PLG: variants seen among roughly 807,000 people sequenced by gnomAD.
The protein encoded by PLG is plasmin.
Under a neutral mutation model 104.4 loss-of-function variants are expected in PLG, and 41 were observed. The observed-to-expected ratio is 0.39, with a 90% CI of 0.31 to 0.51. The LOEUF (loss-of-function observed/expected upper bound fraction) is 0.51. Among genes scored for constraint, PLG ranks in the 20% least tolerant of loss-of-function variants. PLG has a pLI of 0.76. For missense variants in PLG, 891 were observed against 1,003.6 expected (o/e 0.89, Z 1.52); for synonymous variants, 337 against 357.1 (o/e 0.94, Z 0.63).
Position 160,706,407 on chromosome 6 carries a change from G to T in PLG, c.50G>T (p.Gly17Val), listed in dbSNP as rs755657852. ...VLLLLLFLKSGQGEPLDDYVN... is the reference protein window; with the variant it reads ...VLLLLLFLKSVQGEPLDDYVN... ...TTCCACTTGGATCTCCCACCTCTAG[G>T]TCAAGGAGAGCCTCTGGATGACTAT... Residue 17 changes from glycine (G) to valine (V), a missense_variant and splice_region_variant, in exon 2 of 19, where the codon GGT (glycine) becomes GTT (valine). Transcript: ENST00000308192. The T allele has an allele frequency of 1.2e-6, 2 of 1,612,866 alleles. No homozygotes were observed. Among genetic ancestry groups the T allele is most frequent in the East Asian group, 4.5e-5 (2 of 44,880 alleles).
Position 160,737,816 on chromosome 6 carries a change from T to C in PLG, c.1803-722T>C, listed in dbSNP as rs1335315389. ...CACTCTGCTGTTGAGTCGATTTTTC[T>C]TTATTTTATCATTTAGTAACTCCTT... On this transcript the variant is annotated intron_variant, in intron 14 of 18. Coordinates refer to ENST00000308192, the MANE Select transcript of PLG (RefSeq NM_000301.5). This position sits in a 1 kb window ranked among gnomAD's most constrained non-coding sequence, Gnocchi z 4.7. Among the ~76,000 whole-genome samples, 1 of 149,674 alleles carries C rather than the reference T, an allele frequency of 6.7e-6. No individual in the cohort carries two copies. Among genetic ancestry groups the C allele is most frequent in the African/African-American group, 2.6e-5 (1 of 38,988 alleles).
chr6:160,738,971 G>T lies in PLG; in HGVS notation c.1878-97G>T, dbSNP rs1778137602. The T allele has an allele frequency of 6.9e-7, 1 of 1,440,080 alleles. No homozygotes were observed. The allele number at this position is 1,440,080 out of a possible 1,614,324, so 89.2% of individuals were successfully genotyped here. ...ACTCAGAAGTCACTAATTCTGAGTGGCCAAGGGTGTCAGGGAGACAGCACC... is the reference window on the plus strand; with the variant it reads ...ACTCAGAAGTCACTAATTCTGAGTGTCCAAGGGTGTCAGGGAGACAGCACC... On this transcript the variant is annotated intron_variant, in intron 15 of 18. Transcript: ENST00000308192. The surrounding 1 kb of genome is among the most constrained non-coding windows in gnomAD (Gnocchi z 6.8).
In PLG at chr6:160,723,147, G is replaced by GTATATATATGTACACATATATGTGTT. The variant is rs1777866269; in HGVS notation, c.1256+585_1256+586insATATGTACACATATATGTGTTTATAT. Among the ~76,000 whole-genome samples the GTATATATATGTACACATATATGTGTT allele has an allele frequency of 6.6e-6, 1 of 150,562 alleles. No homozygotes were observed. The highest frequency in any genetic ancestry group is 2.4e-5 in the African/African-American group (1 of 40,894). On this transcript the variant is annotated intron_variant, in intron 10 of 18. Transcript: ENST00000308192. The surrounding 1 kb of genome is among the most constrained non-coding windows in gnomAD (Gnocchi z 4.7). ...TATATATATGTACACATATATGTGTGTATATTAGAATATATATAACATAAA... is the reference window on the plus strand; with the variant it reads ...TATATATATGTACACATATATGTGTGTATATATATGTACACATATATGTGTTTATATTAGAATATATATAACATAAA...
chr6:160,706,597 A>G (rs759032717), intron 2 of PLG, 55 bp downstream of exon 2: 9 of 1,515,516 alleles, frequency 5.9e-6, no homozygotes, highest in Non-Finnish European at 8.2e-6. Flanking sequence ...ATGGCAAGTA[A>G]TTTACTCACA....
chr6:160,704,809 T>C (rs545601741), intron 1 of PLG, among the ~76,000 whole-genome samples: 33 of 152,202 alleles, frequency 2.2e-4, no homozygotes, highest in Non-Finnish European at 3.4e-4. Context: ...TCGATGAGCA[T>C]GCATCCACCT....
chr6:160,702,890 A>G (rs1211260317), intron 1 of PLG, among the ~76,000 whole-genome samples: 8 of 152,196 alleles, frequency 5.3e-5, no homozygotes, highest in Admixed American at 4.6e-4. Context: ...GAAAAATCAC[A>G]CGCATCCATT....
rs1778452122 is a variant in PLG, at chr6:160,754,081, A to T, written c.*1020A>T. ...AGCTGTGTTTATTTCATTGACAAATAGATTATTTGTATTCAATTCTGATGT... is the reference window on the plus strand; with the variant it reads ...AGCTGTGTTTATTTCATTGACAAATTGATTATTTGTATTCAATTCTGATGT... On this transcript the variant is annotated 3_prime_UTR_variant, in exon 19 of 19. Coordinates refer to ENST00000308192, the MANE Select transcript of PLG (RefSeq NM_000301.5). This position sits in a 1 kb window ranked among gnomAD's most constrained non-coding sequence, Gnocchi z 4.9. Among the ~76,000 whole-genome samples the T allele has an allele frequency of 6.6e-6, 1 of 152,228 alleles. No homozygotes were observed. Among genetic ancestry groups the T allele is most frequent in the African/African-American group, 2.4e-5 (1 of 41,464 alleles).
chr6:160,739,226 G>A lies in PLG; in HGVS notation c.2018+18G>A, dbSNP rs1778143816. ...CTAAGCAGGTACTCGTTCACCTGTG[G>A]TCTTCACCCCACGCTGGTGAAGATA... is the stretch of plus-strand genomic sequence containing the variant. On this transcript the variant is annotated intron_variant, in intron 16 of 18. Transcript: ENST00000308192. The surrounding 1 kb of genome is among the most constrained non-coding windows in gnomAD (Gnocchi z 4.4). The A allele has an allele frequency of 6.2e-7, 1 of 1,613,974 alleles. No individual in the cohort carries two copies. The highest frequency in any genetic ancestry group is 8.5e-7 in the Non-Finnish European group (1 of 1,179,984).
intron 5 of PLG, among the ~76,000 whole-genome samples, chr6:160,713,661 T>C (rs182561607): frequency 6.6e-6 from 1 of 152,324 alleles, no homozygotes; most frequent in African/African-American, 2.4e-5. Flanking sequence ...TGCTTACAAC[T>C]CTTACACAGT....
At chr6:160,721,140 C>A (rs1176611389) in intron 9 of PLG, among the ~76,000 whole-genome samples, 1 of 152,150 alleles carries the variant, frequency 6.6e-6, no homozygotes, top group Admixed American at 6.5e-5. Context: ...CAACAAGATC[C>A]TTTAACATAC....
At position 160,713,272 on chromosome 6, in the gene PLG, A is replaced by ATTT. The variant is rs549396375; in HGVS notation, c.547+147_547+148insTTT. On this transcript the variant is annotated intron_variant, in intron 5 of 18. Coordinates refer to ENST00000308192, the MANE Select transcript of PLG (RefSeq NM_000301.5). ...GAAGCAAAACCCCAGAATTAACCTG[A>ATTT]ATTTTTTTTTTTTCTGAGACAGAGT... The ATTT allele has an allele frequency of 2.9e-4, 208 of 713,450 alleles. No individual in the cohort carries two copies. In the Middle Eastern group the frequency reaches 3.3e-3, roughly 11 times the overall value. 44.2% of individuals were successfully genotyped at this position (713,450 alleles called of 1,614,324 possible).
chr6:160,742,405 G>A (rs1338343668), intron 17 of PLG, among the ~76,000 whole-genome samples: 1 of 152,088 alleles, frequency 6.6e-6, no homozygotes, highest in African/African-American at 2.4e-5. Context: ...CTAACGATCA[G>A]TGATATTGAG....
At chr6:160,715,046 C>T (rs1777707412) in intron 6 of PLG, 132 bp downstream of exon 6, 1 of 887,146 alleles carries the variant, frequency 1.1e-6, no homozygotes, top group Non-Finnish European at 1.8e-6. Context: ...CAAAGCTAAC[C>T]TCCTCCCACA....
rs1456627120 is a variant in PLG, at chr6:160,741,229, C to T, written c.2019-82C>T. 4 of 938,692 alleles carry T rather than the reference C, an allele frequency of 4.3e-6. No homozygotes were observed. In the Admixed American group the frequency reaches 5.1e-5, roughly 12 times the overall value. The allele number at this position is 938,692 out of a possible 1,614,324, so 58.1% of individuals were successfully genotyped here. A position where few individuals can be genotyped will look rare whatever the true frequency, so the allele number is the denominator to read the frequency against. On this transcript the variant is annotated intron_variant, in intron 16 of 18. Transcript: ENST00000308192. This position sits in a 1 kb window ranked among gnomAD's most constrained non-coding sequence, Gnocchi z 4.7. ...AGTGCCAGTTCAGAGGGCTCTGGGG[C>T]CTCAAGACAGGGATGACTGGTTGTG...
At chr6:160,748,342 A>AAAG (rs1562383195) in intron 17 of PLG, among the ~76,000 whole-genome samples, 7 of 94,934 alleles carry the variant, frequency 7.4e-5, no homozygotes, top group African/African-American at 1.2e-4. Flanking sequence ...AAGAAGGAAG[A>AAAG]AAAGAAAGAG....
chr6:160,721,559 C>T (rs574804005), intron 9 of PLG, among the ~76,000 whole-genome samples: 1 of 152,306 alleles, frequency 6.6e-6, no homozygotes, highest in African/African-American at 2.4e-5. Flanking sequence ...CCTATCCATT[C>T]CCAGATTTCA....
chr6:160,712,500 C>T (rs1446751723), intron 4 of PLG, among the ~76,000 whole-genome samples: 1 of 152,178 alleles, frequency 6.6e-6, no homozygotes, highest in African/African-American at 2.4e-5. Flanking sequence ...TACGTTGCCA[C>T]TCAGTTTTCT....
intron 5 of PLG, among the ~76,000 whole-genome samples, chr6:160,713,715 C>A (rs1165355908): frequency 1.3e-5 from 2 of 152,160 alleles, no homozygotes; most frequent in Non-Finnish European, 2.9e-5. Flanking sequence ...TAAAATAAAA[C>A]AACAAAATCA....
chr6:160,749,170 C>A (rs1778352108), intron 17 of PLG, among the ~76,000 whole-genome samples: 1 of 152,196 alleles, frequency 6.6e-6, no homozygotes, highest in Non-Finnish European at 1.5e-5. Context: ...TGAGATTGAG[C>A]AGTTAGTTAA....
Sources: allele counts gnomAD v4.1 joint callset (sites outside exome capture counted in the v4.1 genomes callset), GRCh38; gene constraint gnomAD v4.1.1; non-coding constraint Gnocchi (gnomAD v3.1); transcripts MANE v1.5; gene names NCBI Gene and HGNC (gene_info 2026-07-23, HGNC 2026-07-21).